PLSCR1: variants seen among roughly 807,000 people sequenced by gnomAD.
PLSCR1 encodes phospholipid scramblase 1.
In PLSCR1, 17 loss-of-function variants were observed where a neutral mutation model predicts 37.8. The observed-to-expected ratio is 0.45, with a 90% CI of 0.31 to 0.68. The LOEUF is 0.68. Ranked by LOEUF, PLSCR1 falls within the 30% of genes least tolerant of loss-of-function variation. PLSCR1 has a pLI of 0.06. For missense variants in PLSCR1, 347 were observed against 380.9 expected (o/e 0.91, Z 0.74); for synonymous variants, 116 against 125.9 (o/e 0.92, Z 0.53).
Position 146,536,562 on chromosome 3 carries a change from A to T in PLSCR1, c.-10T>A. 1 of 1,466,754 alleles carries T rather than the reference A, an allele frequency of 6.8e-7. No homozygotes were observed. The highest frequency in any genetic ancestry group is 9.6e-7 in the Non-Finnish European group (1 of 1,046,452). 90.9% of individuals were successfully genotyped at this position (1,466,754 alleles called of 1,614,324 possible). The stretch of plus-strand genomic sequence containing the variant: ...TACTTTGTTTGTCCATGATTAAAAC[A>T]GTTCTGAAAAAGAAGATCTGACATT... On this transcript the variant is annotated 5_prime_UTR_variant, in exon 2 of 9. Transcript: ENST00000342435.
intron 5 of PLSCR1, among the ~76,000 whole-genome samples, chr3:146,523,923 T>A (rs1365670829): frequency 3.9e-5 from 6 of 152,092 alleles, no homozygotes; most frequent in Non-Finnish European, 8.8e-5. Context: ...AAATAATGAG[T>A]GATTAAAATA....
chr3:146,530,258 T>G (rs2044178090), intron 3 of PLSCR1, among the ~76,000 whole-genome samples: 1 of 152,228 alleles, frequency 6.6e-6, no homozygotes, highest in Non-Finnish European at 1.5e-5. Context: ...TCATTTATGA[T>G]AAAATTCATT....
chr3:146,541,886 A>T (rs547062212), intron 1 of PLSCR1, among the ~76,000 whole-genome samples: 3 of 152,266 alleles, frequency 2.0e-5, no homozygotes, highest in African/African-American at 7.2e-5. Flanking sequence ...CTTGTAAGGA[A>T]ATCAAGTTCC....
intron 2 of PLSCR1, among the ~76,000 whole-genome samples, chr3:146,535,592 T>G (rs2044255908): frequency 6.6e-6 from 1 of 152,196 alleles, no homozygotes; most frequent in Non-Finnish European, 1.5e-5. Context: ...TTTATGCAAA[T>G]ACATTCATAC....
intron 3 of PLSCR1, among the ~76,000 whole-genome samples, chr3:146,532,694 T>C (rs2044215662): frequency 6.6e-6 from 1 of 152,206 alleles, no homozygotes; most frequent in East Asian, 1.9e-4. Context: ...TGGTCCTAAA[T>C]CCTCAGGATG....
chr3:146,522,490 C>T (rs1175550014), intron 5 of PLSCR1, among the ~76,000 whole-genome samples: 1 of 152,054 alleles, frequency 6.6e-6, no homozygotes, highest in East Asian at 1.9e-4. Context: ...TGCTTGAAGG[C>T]AGCATGCTTG....
At chr3:146,523,521 T>C (rs1421473336) in intron 5 of PLSCR1, among the ~76,000 whole-genome samples, 2 of 152,218 alleles carry the variant, frequency 1.3e-5, no homozygotes, top group African/African-American at 2.4e-5. Flanking sequence ...AAGAAGGCAA[T>C]GTACACGCAT....
At chr3:146,518,251 T>A (rs1365931257) in intron 7 of PLSCR1, among the ~76,000 whole-genome samples, 2 of 152,158 alleles carry the variant, frequency 1.3e-5, no homozygotes, top group Non-Finnish European at 1.5e-5. Flanking sequence ...TGGCTTATGA[T>A]CTTCAGTGAC....
At chr3:146,523,527 C>T (rs1009907206) in intron 5 of PLSCR1, among the ~76,000 whole-genome samples, 8 of 152,192 alleles carry the variant, frequency 5.3e-5, no homozygotes, top group Non-Finnish European at 1.0e-4. Flanking sequence ...GCAATGTACA[C>T]GCATAAAAAC....
chr3:146,528,726 G>A lies in PLSCR1; in HGVS notation c.200C>T (p.Pro67Leu), dbSNP rs775896399. Residue 67 changes from proline to leucine, a missense_variant, in exon 4 of 9, where the codon CCA becomes CTA. Coordinates refer to ENST00000342435, the MANE Select transcript of PLSCR1 (RefSeq NM_021105.3). ...ATTATATACTGGCTGATTATACACT[G>A]GCTGATTTGGGACAGGAAAGCCAGC... The part of the protein sequence containing the change: ...GPAGFPVPNQ[P>L]VYNQPVYNQP... 1 of 1,614,190 alleles carries A rather than the reference G, an allele frequency of 6.2e-7. No homozygotes were observed. Among genetic ancestry groups the A allele is most frequent in the Admixed American group, 1.7e-5 (1 of 60,032 alleles).
intron 1 of PLSCR1, among the ~76,000 whole-genome samples, chr3:146,540,084 G>C (rs1379587045): frequency 6.6e-6 from 1 of 152,050 alleles, no homozygotes; most frequent in Non-Finnish European, 1.5e-5. Flanking sequence ...ATAAATAATG[G>C]CTTCTACCAC....
At chr3:146,522,678 G>A (rs2044043046) in intron 5 of PLSCR1, among the ~76,000 whole-genome samples, 1 of 152,098 alleles carries the variant, frequency 6.6e-6, no homozygotes, top group South Asian at 2.1e-4. Context: ...TCCGACACCC[G>A]TAAAGGGTCT....
rs539406419 is a variant in PLSCR1 at position 146,537,815 on chromosome 3, A to T, written c.-13-1250T>A. ...AGCCTGGAATATTGACGGTCTAATGAAGTATGATGTCATCACTGCATTCCA... is the reference window on the plus strand; with the variant it reads ...AGCCTGGAATATTGACGGTCTAATGTAGTATGATGTCATCACTGCATTCCA... On this transcript the variant is annotated intron_variant, in intron 1 of 8. Transcript: ENST00000342435. 5.9e-5 allele frequency among the ~76,000 whole-genome samples: 9 copies of T among 152,302 alleles called. No individual in the cohort carries two copies. In the South Asian group the frequency reaches 1.9e-3, roughly 32 times the overall value.
intron 1 of PLSCR1, among the ~76,000 whole-genome samples, chr3:146,537,844 T>G (rs774232331): frequency 1.3e-5 from 2 of 152,120 alleles, no homozygotes; most frequent in Admixed American, 6.6e-5. Context: ...CATTCCAGCC[T>G]GGGTGACAGA....
At chr3:146,527,095 C>T (rs1439640419) in intron 4 of PLSCR1, among the ~76,000 whole-genome samples, 2 of 152,014 alleles carry the variant, frequency 1.3e-5, no homozygotes, top group African/African-American at 4.8e-5. Flanking sequence ...CGAGATCGTG[C>T]CATTGCACTC....
intron 3 of PLSCR1, 59 bp from the exon 4 acceptor site, chr3:146,528,890 T>G: frequency 7.9e-7 from 1 of 1,272,802 alleles, no homozygotes; most frequent in Non-Finnish European, 1.1e-6. Flanking sequence ...TTGTCAACCT[T>G]TTTAGGGTTA....
intron 4 of PLSCR1, among the ~76,000 whole-genome samples, chr3:146,527,061 C>T (rs1202196461): frequency 1.3e-5 from 2 of 151,944 alleles, no homozygotes; most frequent in African/African-American, 2.4e-5. Context: ...AGCTTGAACC[C>T]GGGAGGCGGA....
intron 4 of PLSCR1, among the ~76,000 whole-genome samples, chr3:146,527,295 T>C (rs1435498255): frequency 6.6e-6 from 1 of 152,174 alleles, no homozygotes; most frequent in Non-Finnish European, 1.5e-5. Flanking sequence ...TAATTAACAA[T>C]AATTTATTGT....
chr3:146,538,784 C>G (rs1229621789), intron 1 of PLSCR1, among the ~76,000 whole-genome samples: 1 of 151,982 alleles, frequency 6.6e-6, no homozygotes, highest in Non-Finnish European at 1.5e-5. Flanking sequence ...GATTGCAGAT[C>G]TATACATCTG....
Sources: gnomAD v4.1 joint callset for allele counts (sites outside exome capture counted in the v4.1 genomes callset) on GRCh38, gnomAD v4.1.1 for gene constraint, MANE v1.5 for transcripts, NCBI Gene and HGNC (gene_info 2026-07-23, HGNC 2026-07-21) for gene names.